The following BMP6 variants were observed in gnomAD, a reference collection of about 807,000 sequenced individuals.
The protein encoded by BMP6 is bone morphogenetic protein 6, also known as VG-1-R.
A neutral mutation model predicts 54.1 loss-of-function variants in BMP6; 17 were observed. The ratio of observed to expected loss-of-function variants is 0.31; its 90% CI spans 0.22 to 0.47. The LOEUF (loss-of-function observed/expected upper bound fraction) is 0.47. Ranked by LOEUF, BMP6 falls within the 20% of genes least tolerant of loss-of-function variation. The pLI is 1.00. For missense variants in BMP6, 720 were observed against 690.4 expected (o/e 1.04, Z -0.48); for synonymous variants, 328 against 291.2 (o/e 1.13, Z -1.28).
chr6:7,838,561 A>C (rs1758913885), intron 1 of BMP6, among the ~76,000 whole-genome samples: 1 of 152,310 alleles, frequency 6.6e-6, no homozygotes, highest in East Asian at 1.9e-4. Context: ...AATAGTACCG[A>C]ACTGGACTCC....
intron 1 of BMP6, among the ~76,000 whole-genome samples, chr6:7,760,260 T>C (rs1398803183): frequency 6.6e-6 from 1 of 152,026 alleles, no homozygotes; most frequent in African/African-American, 2.4e-5. Context: ...TATGATAGAC[T>C]AGTGAAATTA....
intron 2 of BMP6, among the ~76,000 whole-genome samples, chr6:7,856,614 T>TTG (rs1491363620): frequency 2.1e-5 from 2 of 95,134 alleles, no homozygotes; most frequent in South Asian, 4.2e-4. Flanking sequence ...TTTTTTTTTT[T>TTG]GAGACGGAGT....
intron 1 of BMP6, among the ~76,000 whole-genome samples, chr6:7,820,820 G>A (rs1249108426): frequency 6.6e-6 from 1 of 152,200 alleles, no homozygotes; most frequent in Non-Finnish European, 1.5e-5. Flanking sequence ...GGGGAGGGGG[G>A]TGGTTTGGGA....
chr6:7,815,719 A>G (rs1375927610), intron 1 of BMP6, among the ~76,000 whole-genome samples: 2 of 152,262 alleles, frequency 1.3e-5, no homozygotes, highest in Non-Finnish European at 2.9e-5. Flanking sequence ...AAAATAGAGA[A>G]CACACACTGT....
At chr6:7,733,758 T>A (rs1266953395) in intron 1 of BMP6, among the ~76,000 whole-genome samples, 1 of 152,190 alleles carries the variant, frequency 6.6e-6, no homozygotes, top group African/African-American at 2.4e-5. Flanking sequence ...CACTCCCATC[T>A]CTGATCCAGC....
At chr6:7,735,111 C>T (rs1026473888) in intron 1 of BMP6, among the ~76,000 whole-genome samples, 1 of 152,202 alleles carries the variant, frequency 6.6e-6, no homozygotes, top group East Asian at 1.9e-4. Context: ...GAAAACAGTG[C>T]CCCTCGGAGG....
intron 1 of BMP6, among the ~76,000 whole-genome samples, chr6:7,798,271 G>A (rs1758219496): frequency 6.6e-6 from 1 of 152,234 alleles, no homozygotes; most frequent in Admixed American, 6.5e-5. Context: ...CTTGCCATGA[G>A]TCACAAAGCA....
At chr6:7,779,694 A>G (rs1561769356) in intron 1 of BMP6, among the ~76,000 whole-genome samples, 1 of 152,130 alleles carries the variant, frequency 6.6e-6, no homozygotes, top group Non-Finnish European at 1.5e-5. Context: ...TACATAGAAC[A>G]TTCTCTTGGC....
At position 7,813,107 on chromosome 6, in the gene BMP6, AAATATATATATATATATATAT is replaced by A. The variant is rs1207090255; in HGVS notation, c.665-32031_665-32011del. On this transcript the variant is annotated intron_variant, in intron 1 of 6. Coordinates refer to ENST00000283147, the MANE Select transcript of BMP6 (RefSeq NM_001718.6). ...TCTACAAAAAAAAAAAAAAAAAAAA[AAATATATATATATATATATAT>A]ATATATATATATATATATATAAAAT... Among the ~76,000 whole-genome samples the A allele has an allele frequency of 2.7e-4, 13 of 48,408 alleles. 2 individuals are homozygous for A. Among genetic ancestry groups the A allele is most frequent in the African/African-American group, 6.6e-4 (7 of 10,594 alleles). 31.8% of individuals were successfully genotyped at this position (48,408 alleles called of 152,430 possible).
chr6:7,834,341 G>A (rs996245788), intron 1 of BMP6, among the ~76,000 whole-genome samples: 3 of 150,770 alleles, frequency 2.0e-5, no homozygotes, highest in African/African-American at 7.3e-5. Flanking sequence ...TCAGAGTGAC[G>A]GGAGAGTAAT....
At chr6:7,768,445 C>G (rs983052527) in intron 1 of BMP6, among the ~76,000 whole-genome samples, 1 of 152,062 alleles carries the variant, frequency 6.6e-6, no homozygotes, top group South Asian at 2.1e-4. Context: ...TTTGTTTTGC[C>G]CTGGGCAGAG....
chr6:7,728,640 T>C (rs761517285), intron 1 of BMP6, among the ~76,000 whole-genome samples: 4 of 152,102 alleles, frequency 2.6e-5, no homozygotes. Context: ...AGCGCAGACA[T>C]AGGATGGAGG....
chr6:7,832,968 G>C (rs1758814711), intron 1 of BMP6, among the ~76,000 whole-genome samples: 1 of 151,964 alleles, frequency 6.6e-6, no homozygotes, highest in Admixed American at 6.6e-5. Context: ...TGGCTGTGGG[G>C]TACAGGCTGA....
At chr6:7,848,597 G>A (rs1257699560) in intron 2 of BMP6, among the ~76,000 whole-genome samples, 2 of 152,098 alleles carry the variant, frequency 1.3e-5, no homozygotes, top group Admixed American at 6.6e-5. Flanking sequence ...ACCTCCTGTC[G>A]TACTAGTTGG....
At chr6:7,847,361 A>T (rs1156891354) in intron 2 of BMP6, among the ~76,000 whole-genome samples, 1 of 152,120 alleles carries the variant, frequency 6.6e-6, no homozygotes, top group East Asian at 1.9e-4. Flanking sequence ...TTCTTTTCTT[A>T]TCTGTGGGCC....
intron 1 of BMP6, among the ~76,000 whole-genome samples, chr6:7,816,020 C>T (rs747927733): frequency 6.8e-4 from 104 of 152,188 alleles, no homozygotes; most frequent in Non-Finnish European, 1.1e-3. Context: ...AAAATTGTTA[C>T]AGTCTGACTT....
chr6:7,834,972 A>G (rs1758850012), intron 1 of BMP6, among the ~76,000 whole-genome samples: 1 of 152,278 alleles, frequency 6.6e-6, no homozygotes, highest in Non-Finnish European at 1.5e-5. Flanking sequence ...ACCCACAGAC[A>G]GATGAACTAC....
In BMP6 at chr6:7,728,812, G is replaced by C. The variant is rs570002601; in HGVS notation, c.664+1193G>C. Among the ~76,000 whole-genome samples the C allele has an allele frequency of 3.3e-5, 5 of 152,302 alleles. No homozygotes were observed. In the South Asian group the frequency reaches 1.0e-3, roughly 32 times the overall value. On this transcript the variant is annotated intron_variant, in intron 1 of 6. Transcript: ENST00000283147. ...AGACACTCGCCAAAGGAGCACACGG[G>C]TCTCCCAGCCACGTCAAAGACGCTC...
At chr6:7,865,114 A>G (rs894959684) in intron 4 of BMP6, among the ~76,000 whole-genome samples, 3 of 152,176 alleles carry the variant, frequency 2.0e-5, no homozygotes, top group Admixed American at 6.5e-5. Context: ...AAATTGAGAA[A>G]AGATGTTGTG....
Sources: allele counts gnomAD v4.1 joint callset (sites outside exome capture counted in the v4.1 genomes callset), GRCh38; gene constraint gnomAD v4.1.1; transcripts MANE v1.5; gene names NCBI Gene and HGNC (gene_info 2026-07-23, HGNC 2026-07-21).